ULK4: variants seen among roughly 807,000 people sequenced by gnomAD.
ULK4 encodes the protein unc-51 like kinase 4.
Under a neutral mutation model 160.6 loss-of-function variants are expected in ULK4, and 133 were observed. The ratio of observed to expected loss-of-function variants is 0.83; its 90% CI spans 0.72 to 0.96. The LOEUF (loss-of-function observed/expected upper bound fraction) is 0.96, where lower values mean the gene tolerates loss of function less well. Among genes scored for constraint, ULK4 ranks in the 40% least tolerant of loss-of-function variants. The probability of loss-of-function intolerance (pLI) is 0.00; values close to 1 mark genes in which losing one functional copy is unlikely to be tolerated. For missense variants in ULK4, 1,580 were observed against 1,499.5 expected (o/e 1.05, Z -0.89); for synonymous variants, 534 against 539.8 (o/e 0.99, Z 0.15).
chr3:41,737,076 T>C (rs1426855261), intron 22 of ULK4, among the ~76,000 whole-genome samples: 1 of 151,954 alleles, frequency 6.6e-6, no homozygotes, highest in Non-Finnish European at 1.5e-5. Context: ...ACCAGTACCA[T>C]GCTGTTTTGG....
chr3:41,343,117 A>G (rs1263168968), intron 35 of ULK4, among the ~76,000 whole-genome samples: 2 of 152,120 alleles, frequency 1.3e-5, no homozygotes, highest in Non-Finnish European at 2.9e-5. Context: ...CCAGCACAAG[A>G]TAAGGATGCC....
intron 31 of ULK4, among the ~76,000 whole-genome samples, chr3:41,568,508 C>A (rs1048976740): frequency 5.9e-5 from 9 of 152,188 alleles, no homozygotes; most frequent in Non-Finnish European, 1.5e-5. Context: ...CTCATGCTAA[C>A]CTTGTCTACC....
chr3:41,886,592 G>A (rs1469919971), intron 16 of ULK4, among the ~76,000 whole-genome samples: 1 of 145,816 alleles, frequency 6.9e-6, no homozygotes, highest in Non-Finnish European at 1.5e-5. Flanking sequence ...TTTTTTTTGA[G>A]ATGGAGTCTT....
intron 18 of ULK4, among the ~76,000 whole-genome samples, chr3:41,830,305 G>A (rs77602352): frequency 0.031 from 4,683 of 151,358 alleles, 107 homozygotes; most frequent in Non-Finnish European, 0.05. Flanking sequence ...ATTTAAAAAA[G>A]GTATATACCA....
chr3:41,296,554 G>C (rs995887460), intron 35 of ULK4, among the ~76,000 whole-genome samples: 1 of 152,178 alleles, frequency 6.6e-6, no homozygotes, highest in Admixed American at 6.5e-5. Context: ...TCTGTAGGGA[G>C]GCTGCCATGG....
At chr3:41,506,931 G>A (rs2085413999) in intron 32 of ULK4, among the ~76,000 whole-genome samples, 1 of 148,468 alleles carries the variant, frequency 6.7e-6, no homozygotes, top group Admixed American at 6.7e-5. Context: ...AAGAGTAGGG[G>A]CAGCACGACT....
intron 35 of ULK4, among the ~76,000 whole-genome samples, chr3:41,329,820 T>C (rs183216431): frequency 7.4e-4 from 113 of 152,220 alleles, no homozygotes; most frequent in African/African-American, 2.7e-3. Context: ...ATCATTTGAG[T>C]GAAAAAATAA....
chr3:41,761,319 C>G lies in ULK4; in HGVS notation c.2194-6831G>C, dbSNP rs1270474577. Among the ~76,000 whole-genome samples, 6 of 125,296 alleles carry G rather than the reference C, an allele frequency of 4.8e-5. No individual in the cohort carries two copies. The East Asian group carries it at 6.1e-4, about 13-fold the overall frequency. The allele number at this position is 125,296 out of a possible 152,430, so 82.2% of individuals were successfully genotyped here. ...ATATACACATAAAATACATTATATA[C>G]TATGTTATGTTATATATTATCATAC... On this transcript the variant is annotated intron_variant, in intron 21 of 36. Coordinates refer to ENST00000301831, the MANE Select transcript of ULK4 (RefSeq NM_017886.4).
At chr3:41,349,888 G>A (rs2080874860) in intron 35 of ULK4, among the ~76,000 whole-genome samples, 1 of 152,072 alleles carries the variant, frequency 6.6e-6, no homozygotes, top group Non-Finnish European at 1.5e-5. Flanking sequence ...TATCACCATA[G>A]CACCACTATG....
At chr3:41,325,149 ACAT>A (rs1369609356) in intron 35 of ULK4, among the ~76,000 whole-genome samples, 3 of 152,200 alleles carry the variant, frequency 2.0e-5, no homozygotes, top group African/African-American at 4.8e-5. Context: ...GTACAGCTTG[ACAT>A]CATACGCTCA....
At chr3:41,608,361 T>C (rs1257960890) in intron 31 of ULK4, among the ~76,000 whole-genome samples, 2 of 152,084 alleles carry the variant, frequency 1.3e-5, no homozygotes, top group Non-Finnish European at 2.9e-5. Context: ...CTTTATTTAA[T>C]CAAAACTAGT....
chr3:41,667,919 T>C (rs1008747635), intron 29 of ULK4, among the ~76,000 whole-genome samples: 4 of 152,206 alleles, frequency 2.6e-5, no homozygotes, highest in African/African-American at 9.6e-5. Flanking sequence ...TTACCAATCC[T>C]ATAATTAATA....
At chr3:41,599,574 T>TC (rs1219964500) in intron 31 of ULK4, among the ~76,000 whole-genome samples, 1 of 150,344 alleles carries the variant, frequency 6.7e-6, no homozygotes, top group Non-Finnish European at 1.5e-5. Context: ...TCTTTTTTTT[T>TC]TTTTTTTTGA....
At chr3:41,427,627 A>G (rs2082807491) in intron 34 of ULK4, among the ~76,000 whole-genome samples, 1 of 152,248 alleles carries the variant, frequency 6.6e-6, no homozygotes, top group South Asian at 2.1e-4. Context: ...TATGTAAGTC[A>G]ATAAACATAA....
chr3:41,333,628 T>C (rs978072623), intron 35 of ULK4, among the ~76,000 whole-genome samples: 20 of 152,206 alleles, frequency 1.3e-4, no homozygotes, highest in African/African-American at 4.3e-4. Context: ...TTTCTTAGTC[T>C]AAAACATTTC....
intron 35 of ULK4, among the ~76,000 whole-genome samples, chr3:41,279,814 T>C (rs547163239): frequency 1.7e-4 from 26 of 152,172 alleles, no homozygotes; most frequent in African/African-American, 4.1e-4. Flanking sequence ...TAAATGTAAA[T>C]GACTAAATGC....
chr3:41,511,661 C>CA (rs113817490), intron 32 of ULK4, among the ~76,000 whole-genome samples: 3 of 151,412 alleles, frequency 2.0e-5, no homozygotes, highest in Admixed American at 1.3e-4. Flanking sequence ...TTGCCAACAA[C>CA]AAAAAAAAGT....
chr3:41,371,316 C>T (rs1294798889), intron 35 of ULK4, among the ~76,000 whole-genome samples: 1 of 152,240 alleles, frequency 6.6e-6, no homozygotes, highest in Non-Finnish European at 1.5e-5. Context: ...TCTGCCTCCT[C>T]AAGTGGGTCC....
At chr3:41,786,511 C>T (rs1195465604) in intron 21 of ULK4, among the ~76,000 whole-genome samples, 1 of 150,028 alleles carries the variant, frequency 6.7e-6, no homozygotes, top group Admixed American at 6.7e-5. Context: ...CTGAGGTGGT[C>T]ACCTGAGCCC....
Sources: gnomAD v4.1 joint callset for allele counts (sites outside exome capture counted in the v4.1 genomes callset) on GRCh38, gnomAD v4.1.1 for gene constraint, MANE v1.5 for transcripts, NCBI Gene and HGNC (gene_info 2026-07-23, HGNC 2026-07-21) for gene names.